The following BTBD8 variants were observed in gnomAD, a reference collection of about 807,000 sequenced individuals.
The protein encoded by BTBD8 is BTB/POZ domain-containing protein 8.
A neutral mutation model predicts 162.9 loss-of-function variants in BTBD8; 110 were observed. The observed-to-expected ratio is 0.68, with a 90% CI of 0.58 to 0.79. The LOEUF is 0.79. Among genes scored for constraint, BTBD8 ranks in the 30% least tolerant of loss-of-function variants. BTBD8 has a pLI of 0.00. For synonymous variants in BTBD8, 667 were observed against 716.1 expected (o/e 0.93, Z 1.10); for missense variants, 1,905 against 2,085.4 (o/e 0.91, Z 1.68).
chr1:92,180,118 C>T (rs1650839343), intron 16 of BTBD8, 147 bp from the exon 17 acceptor site: 2 of 591,204 alleles, frequency 3.4e-6, no homozygotes, highest in Non-Finnish European at 2.8e-6. Context: ...CTAATCTGTG[C>T]TTGTCCATTT....
intron 11 of BTBD8, among the ~76,000 whole-genome samples, chr1:92,168,475 C>T (rs1052560759): frequency 2.6e-5 from 4 of 151,952 alleles, no homozygotes; most frequent in Admixed American, 2.6e-4. Context: ...AATCAGTGGC[C>T]ATTAATTAGG....
intron 3 of BTBD8, among the ~76,000 whole-genome samples, chr1:92,105,787 C>T (rs1433188282): frequency 1.3e-5 from 2 of 152,220 alleles, no homozygotes; most frequent in Non-Finnish European, 2.9e-5. Flanking sequence ...GAGAACTCTG[C>T]TCTACAACTG....
chr1:92,080,703 C>G lies in BTBD8; in HGVS notation c.132C>G (p.Leu44=). ...TGAAGGCGACGGTGTCGGAGCAGCTCAGCCAGGATTTGCTCAGGTAGGAGG... is the reference window on the plus strand; with the variant it reads ...TGAAGGCGACGGTGTCGGAGCAGCTGAGCCAGGATTTGCTCAGGTAGGAGG... ...RRLKATVSEQ[L]SQDLLRLLRE... is the part of the protein sequence containing the mutation. Residue 44 remains leucine (L), a synonymous_variant, in exon 1 of 18, where the codon CTC becomes CTG. Coordinates refer to ENST00000636805, the MANE Select transcript of BTBD8 (RefSeq NM_001376131.1). The G allele has an allele frequency of 6.2e-7, 1 of 1,611,646 alleles. No homozygotes were observed. Among genetic ancestry groups the G allele is most frequent in the Non-Finnish European group, 8.5e-7 (1 of 1,179,134 alleles).
chr1:92,139,656 G>T lies in BTBD8; in HGVS notation c.833+226G>T, dbSNP rs372971675. The T allele has an allele frequency of 6.1e-4, 518 of 846,934 alleles. 1 individual carries two copies. In the African/African-American group the frequency reaches 0.012, roughly 19 times the overall value. The allele number at this position is 846,934 out of a possible 1,614,324, so 52.5% of individuals were successfully genotyped here. ...ATAAGATTGAGAACAGTCTTTATTA[G>T]ACTTAAATTTAGAAGAAGCTATAAA... is the stretch of plus-strand genomic sequence containing the variant. On this transcript the variant is annotated intron_variant, in intron 6 of 17. Transcript: ENST00000636805.
chr1:92,167,720 A>C, intron 10 of BTBD8, 128 bp from the exon 11 acceptor site: 2 of 698,280 alleles, frequency 2.9e-6, no homozygotes, highest in South Asian at 3.1e-5. Flanking sequence ...ATTTTTTAAC[A>C]AAGGGAAAAA....
At chr1:92,154,455 T>C (rs900144278) in intron 9 of BTBD8, among the ~76,000 whole-genome samples, 16 of 152,202 alleles carry the variant, frequency 1.1e-4, no homozygotes, top group Admixed American at 7.2e-4. Flanking sequence ...TGTTATCTTT[T>C]ATTTTTTTGA....
chr1:92,128,605 A>T (rs963043656), intron 4 of BTBD8, among the ~76,000 whole-genome samples: 52 of 151,390 alleles, frequency 3.4e-4, no homozygotes, highest in African/African-American at 1.2e-3. Flanking sequence ...TTTTTAGCAC[A>T]GACAGGGTTT....
chr1:92,108,038 G>C, intron 4 of BTBD8, 37 bp downstream of exon 4: 1 of 1,566,590 alleles, frequency 6.4e-7, no homozygotes, highest in Non-Finnish European at 8.8e-7. Context: ...CTTGGTTGTG[G>C]CTGTAGAGTG....
rs577440097 is a variant in BTBD8, at chr1:92,176,908, A to T, written c.1715A>T (p.Tyr572Phe). The T allele has an allele frequency of 3.7e-5, 57 of 1,533,892 alleles. No individual in the cohort carries two copies. The South Asian group carries it at 6.4e-4, about 17-fold the overall frequency. The change falls in exon 14 of 18, where the codon TAT (tyrosine) becomes TTT (phenylalanine). Residue 572 changes from tyrosine (Y) to phenylalanine (F), a missense_variant. Physicochemically the swap from Tyr to Phe is conservative, Grantham distance 22. This residue lies in a region of BTBD8 where 1,374 missense variants were observed against 1,442.7 expected (regional missense o/e 0.95). Transcript: ENST00000636805. ...AATAACAAGAAAGAGTGTTGGAGTT[A>T]TCTCTCTACTAATAAAAAGATGAAA... Reference protein sequence around the residue: ...RGNNKKECWSYLSTNKKMKSD... With the variant: ...RGNNKKECWSFLSTNKKMKSD...
In BTBD8 at chr1:92,182,188, A is replaced by G. The variant is rs1557469962; in HGVS notation, c.4505A>G (p.Asn1502Ser). The G allele has an allele frequency of 9.7e-6, 15 of 1,551,000 alleles. No individual in the cohort carries two copies. Among genetic ancestry groups the G allele is most frequent in the Non-Finnish European group, 1.2e-5 (14 of 1,146,758 alleles). The change falls in exon 17 of 18, where the codon AAT becomes AGT. Residue 1502 changes from asparagine (N) to serine (S), a missense_variant. By Grantham distance (46) the Asn-to-Ser change is conservative. Around this residue, in one of 3 missense-constraint regions of BTBD8, gnomAD observed 517 missense variants for 606.6 expected, o/e 0.85. Transcript: ENST00000636805. ...SEDNILECKQ[N>S]KGNSVCKNES... The stretch of plus-strand genomic sequence containing the variant: ...GATAATATTTTAGAATGTAAACAAA[A>G]TAAAGGCAATAGTGTATGTAAAAAT...
At chr1:92,121,498 CT>C (rs1398705329) in intron 4 of BTBD8, among the ~76,000 whole-genome samples, 3 of 152,122 alleles carry the variant, frequency 2.0e-5, no homozygotes, top group Non-Finnish European at 4.4e-5. Context: ...TTAGAATTCA[CT>C]AGGGAAGTTA....
chr1:92,152,881 A>G (rs566195978), intron 9 of BTBD8, among the ~76,000 whole-genome samples: 22 of 152,348 alleles, frequency 1.4e-4, no homozygotes, highest in African/African-American at 4.6e-4. Context: ...CTCTGGCATC[A>G]TGGGGATTAG....
At chr1:92,112,004 G>A (rs1431375953) in intron 4 of BTBD8, among the ~76,000 whole-genome samples, 1 of 152,122 alleles carries the variant, frequency 6.6e-6, no homozygotes, top group Non-Finnish European at 1.5e-5. Context: ...TTATTTTGAT[G>A]ACAATGAATA....
chr1:92,140,148 G>A (rs541029332), intron 6 of BTBD8, among the ~76,000 whole-genome samples: 2 of 150,392 alleles, frequency 1.3e-5, no homozygotes, highest in Admixed American at 6.6e-5. Flanking sequence ...TTTGCCAGGC[G>A]TGATGGCTCA....
At chr1:92,167,392 C>T (rs946545588) in intron 10 of BTBD8, among the ~76,000 whole-genome samples, 5 of 152,170 alleles carry the variant, frequency 3.3e-5, no homozygotes, top group Non-Finnish European at 5.9e-5. Flanking sequence ...CAACTCTAGC[C>T]CTCCCTCAGC....
At chr1:92,102,758 C>T in intron 3 of BTBD8, 89 bp downstream of exon 3, 4 of 1,202,832 alleles carry the variant, frequency 3.3e-6, no homozygotes, top group Non-Finnish European at 4.3e-6. Context: ...CAAAAATATG[C>T]TTTACTGATT....
intron 9 of BTBD8, among the ~76,000 whole-genome samples, chr1:92,155,913 C>T (rs1650150455): frequency 6.6e-6 from 1 of 151,998 alleles, no homozygotes; most frequent in Admixed American, 6.6e-5. Context: ...AGTTTGGATG[C>T]CTTATTATTT....
chr1:92,137,406 G>A (rs1379918226), intron 5 of BTBD8, among the ~76,000 whole-genome samples: 3 of 152,036 alleles, frequency 2.0e-5, no homozygotes. Flanking sequence ...GCTGAACCAG[G>A]GCAATGAAAG....
intron 2 of BTBD8, among the ~76,000 whole-genome samples, chr1:92,091,063 G>T (rs903828531): frequency 6.6e-6 from 1 of 152,184 alleles, no homozygotes; most frequent in Non-Finnish European, 1.5e-5. Flanking sequence ...ATATGGTTTG[G>T]ATTTGTGTCT....
Sources: allele counts gnomAD v4.1 joint callset (sites outside exome capture counted in the v4.1 genomes callset), GRCh38; gene constraint gnomAD v4.1.1; regional missense constraint gnomAD v4.1.1; transcripts MANE v1.5; gene names NCBI Gene and HGNC (gene_info 2026-07-23, HGNC 2026-07-21).